ST3GAL1: variants seen among roughly 807,000 people sequenced by gnomAD.
The protein encoded by ST3GAL1 is CMP-N-acetylneuraminate-beta-galactosamide-alpha-2,3-sialyltransferase 1.
Under a neutral mutation model 34.1 loss-of-function variants are expected in ST3GAL1, and 16 were observed. That is an observed-to-expected ratio of 0.47 (90% confidence interval 0.32 to 0.71). The LOEUF (loss-of-function observed/expected upper bound fraction) is 0.71, where lower values mean the gene tolerates loss of function less well. Ranked by LOEUF, ST3GAL1 falls within the 30% of genes least tolerant of loss-of-function variation. ST3GAL1 has a pLI of 0.04. For missense variants in ST3GAL1, 353 were observed against 447.4 expected, an observed-to-expected ratio of 0.79 and a Z score of 1.90; for synonymous variants, 191 against 184.7, an observed-to-expected ratio of 1.03 and a Z score of -0.28.
At position 133,570,558 on chromosome 8, in the gene ST3GAL1, G is replaced by A. The variant is rs1272080217; in HGVS notation, c.-582+1135C>T. Among the ~76,000 whole-genome samples, 3 of 152,132 alleles carry A rather than the reference G, an allele frequency of 2.0e-5. No individual in the cohort carries two copies. Among genetic ancestry groups the A allele is most frequent in the Non-Finnish European group, 4.4e-5 (3 of 68,030 alleles). On this transcript the variant is annotated intron_variant, in intron 1 of 9. Coordinates refer to ENST00000522652, the MANE Select transcript of ST3GAL1 (RefSeq NM_173344.3). The surrounding 1 kb of genome is among the most constrained non-coding windows in gnomAD (Gnocchi z 5.6). ...GTCAGGGCTCCAGCTGACGAGCAGA[G>A]CCAGACGATCCCCACACGCTTCCTG...
chr8:133,497,625 A>G (rs1817004986), intron 3 of ST3GAL1, among the ~76,000 whole-genome samples: 2 of 151,786 alleles, frequency 1.3e-5, no homozygotes. Flanking sequence ...GGAGCCCGCC[A>G]CCATGCCTGG....
chr8:133,511,653 G>A (rs920398668), intron 2 of ST3GAL1, among the ~76,000 whole-genome samples: 1 of 152,164 alleles, frequency 6.6e-6, no homozygotes, highest in Non-Finnish European at 1.5e-5. Context: ...TACTACCTAA[G>A]TTGTCTCACT....
chr8:133,559,048 T>C (rs1819142182), intron 1 of ST3GAL1, among the ~76,000 whole-genome samples: 1 of 151,818 alleles, frequency 6.6e-6, no homozygotes, highest in Admixed American at 6.6e-5. Context: ...TGTGTGTGTG[T>C]GTGTGTGTGT....
chr8:133,500,562 A>G (rs1017299122), intron 2 of ST3GAL1, among the ~76,000 whole-genome samples: 4 of 152,188 alleles, frequency 2.6e-5, no homozygotes, highest in Non-Finnish European at 5.9e-5. Context: ...GGGGGCTATG[A>G]AGCGAGACAG....
In ST3GAL1 at chr8:133,456,033, C is replaced by G. The variant is rs1325132814; in HGVS notation, c.*3731G>C. ...CCTCTCCACCTTCTTTTTTTTTTTC[C>G]CTCCTATTTTACATTCTATTTTCTC... is the stretch of plus-strand genomic sequence containing the variant. On this transcript the variant is annotated 3_prime_UTR_variant, in exon 10 of 10. Coordinates refer to ENST00000522652, the MANE Select transcript of ST3GAL1 (RefSeq NM_173344.3). 1 of 134,944 alleles carries G rather than the reference C, an allele frequency of 7.4e-6. No homozygotes were observed. Among genetic ancestry groups the G allele is most frequent in the Non-Finnish European group, 1.5e-5 (1 of 65,360 alleles). The allele number at this position is 134,944 out of a possible 1,614,324, so 8.4% of individuals were successfully genotyped here.
rs1269965856 is a variant in ST3GAL1 at position 133,456,380 on chromosome 8, C to A, written c.*3384G>T. ...CAGGTTCAGCTCTGGGTGCTGCAGG[C>A]AGGGACCCCTCTGCTCCCTGCCTGA... On this transcript the variant is annotated 3_prime_UTR_variant, in exon 10 of 10. Transcript: ENST00000522652. 6.6e-6 allele frequency: 1 copy of A among 152,268 alleles called. No individual in the cohort carries two copies. The highest frequency in any genetic ancestry group is 2.1e-4 in the South Asian group (1 of 4,836). The allele number at this position is 152,268 out of a possible 1,614,324, so 9.4% of individuals were successfully genotyped here.
At chr8:133,474,257 G>A (rs940309281) in intron 5 of ST3GAL1, among the ~76,000 whole-genome samples, 3 of 152,136 alleles carry the variant, frequency 2.0e-5, no homozygotes, top group African/African-American at 7.2e-5. Flanking sequence ...CATCGCTCCT[G>A]TGCCCACTTC....
rs1203947054 is a variant in ST3GAL1 at position 133,461,574 on chromosome 8, T to C, written c.849+301A>G. 5.9e-5 allele frequency among the ~76,000 whole-genome samples: 9 copies of C among 152,134 alleles called. No individual in the cohort carries two copies. Among genetic ancestry groups the C allele is most frequent in the Non-Finnish European group, 1.0e-4 (7 of 68,018 alleles). On this transcript the variant is annotated intron_variant, in intron 9 of 9. Transcript: ENST00000522652. This position sits in a 1 kb window ranked among gnomAD's most constrained non-coding sequence, Gnocchi z 4.7. ...AACTGTGGCCTTAGACAACTCTCGC[T>C]ATGAGAATCCGCTTCTGTATCCGGA...
At chr8:133,540,782 TA>T (rs1818452448) in intron 2 of ST3GAL1, among the ~76,000 whole-genome samples, 1 of 20,688 alleles carries the variant, frequency 4.8e-5, no homozygotes, top group East Asian at 1.5e-3. Context: ...TATAGAGACA[TA>T]TATATATATA....
At chr8:133,496,124 G>A (rs966841538) in intron 3 of ST3GAL1, among the ~76,000 whole-genome samples, 19 of 152,288 alleles carry the variant, frequency 1.2e-4, no homozygotes, top group South Asian at 4.1e-4. Flanking sequence ...GTCACACAGC[G>A]CAGGAGTTTT....
intron 8 of ST3GAL1, among the ~76,000 whole-genome samples, chr8:133,462,921 T>C (rs2736872): frequency 0.39 from 58,994 of 152,170 alleles, 12,681 homozygotes; most frequent in Non-Finnish European, 0.48. Flanking sequence ...CTAAGTTTGA[T>C]AGAGTATGCA....
At chr8:133,547,596 G>T (rs1243879825) in intron 1 of ST3GAL1, among the ~76,000 whole-genome samples, 1 of 152,172 alleles carries the variant, frequency 6.6e-6, no homozygotes, top group Admixed American at 6.5e-5. Context: ...GTGGAGAGAG[G>T]CTGAGGCACC....
chr8:133,526,843 G>A (rs1426396764), intron 2 of ST3GAL1, among the ~76,000 whole-genome samples: 1 of 152,178 alleles, frequency 6.6e-6, no homozygotes, highest in East Asian at 1.9e-4. Flanking sequence ...CGAGGGAGCT[G>A]TGGGGAGAGA....
At chr8:133,545,530 A>G (rs1818652152) in intron 2 of ST3GAL1, among the ~76,000 whole-genome samples, 1 of 152,208 alleles carries the variant, frequency 6.6e-6, no homozygotes, top group Non-Finnish European at 1.5e-5. Context: ...AAAGCTCTCC[A>G]TTTAAGAAAA....
At chr8:133,548,023 A>G (rs1376419609) in intron 1 of ST3GAL1, among the ~76,000 whole-genome samples, 2 of 152,242 alleles carry the variant, frequency 1.3e-5, no homozygotes, top group African/African-American at 4.8e-5. Context: ...GGTGTTGACT[A>G]TAAACAGATT....
chr8:133,554,136 T>G (rs1442884093), intron 1 of ST3GAL1, among the ~76,000 whole-genome samples: 1 of 152,172 alleles, frequency 6.6e-6, no homozygotes, highest in African/African-American at 2.4e-5. Flanking sequence ...TCCTCATTGT[T>G]GAGCTCCTAC....
intron 2 of ST3GAL1, among the ~76,000 whole-genome samples, chr8:133,541,434 G>A (rs1215907972): frequency 6.6e-6 from 1 of 151,964 alleles, no homozygotes; most frequent in Non-Finnish European, 1.5e-5. Context: ...CCTGATCAAG[G>A]TCTTCACAAG....
At chr8:133,560,501 G>A (rs1353477426) in intron 1 of ST3GAL1, among the ~76,000 whole-genome samples, 1 of 152,198 alleles carries the variant, frequency 6.6e-6, no homozygotes, top group Admixed American at 6.5e-5. Flanking sequence ...AGCTGCTGGT[G>A]TGAGACCTGG....
chr8:133,523,531 A>T (rs1586639645), intron 2 of ST3GAL1, among the ~76,000 whole-genome samples: 1 of 152,198 alleles, frequency 6.6e-6, no homozygotes, highest in Non-Finnish European at 1.5e-5. Context: ...CACTGGAAGG[A>T]TGCATCAGGA....
Sources: allele counts gnomAD v4.1 joint callset (sites outside exome capture counted in the v4.1 genomes callset), GRCh38; gene constraint gnomAD v4.1.1; non-coding constraint Gnocchi (gnomAD v3.1); transcripts MANE v1.5; gene names NCBI Gene and HGNC (gene_info 2026-07-23, HGNC 2026-07-21).